The following TLN2 variants were observed in gnomAD, a reference collection of about 807,000 sequenced individuals.
The protein encoded by TLN2 is talin-2.
A neutral mutation model predicts 294.7 loss-of-function variants in TLN2; 118 were observed. That is an observed-to-expected ratio of 0.40 (90% CI 0.34 to 0.47). TLN2 has a LOEUF of 0.47. Among genes scored for constraint, TLN2 ranks in the 20% least tolerant of loss-of-function variants. The pLI, the probability that TLN2 is intolerant of heterozygous loss-of-function variation, is 0.84. For synonymous variants in TLN2, 1,431 were observed against 1,304.5 expected (o/e 1.10, Z -2.09); for missense variants, 3,083 against 3,282.2 (o/e 0.94, Z 1.48).
At position 62,797,556 on chromosome 15, in the gene TLN2, T is replaced by C. The variant is rs181411771; in HGVS notation, c.6234+154T>C. 1.5e-3 allele frequency among the ~76,000 whole-genome samples: 227 copies of C among 152,312 alleles called. 1 individual carries two copies. Among genetic ancestry groups the C allele is most frequent in the Middle Eastern group, 0.01 (3 of 294 alleles). On this transcript the variant is annotated intron_variant, in intron 48 of 58. Transcript: ENST00000636159. ...TTGAGGAACCGGTAGGAGGCAGTCA[T>C]CCAAGCGAGATAGTGGCACAGACTG...
At chr15:62,516,682 G>A (rs966387903) in intron 1 of TLN2, among the ~76,000 whole-genome samples, 3 of 152,186 alleles carry the variant, frequency 2.0e-5, no homozygotes, top group Non-Finnish European at 4.4e-5. Context: ...GGTACCATCA[G>A]TCTCTGCCCA....
chr15:62,770,637 G>A (rs904760207), intron 41 of TLN2, among the ~76,000 whole-genome samples: 30 of 152,256 alleles, frequency 2.0e-4, no homozygotes, highest in Admixed American at 6.5e-4. Flanking sequence ...TTTGTAAGAT[G>A]TCTTTAGTTC....
rs7174636 is a variant in TLN2 at position 62,463,873 on chromosome 15, C to T, written c.-238+73188C>T. Among the ~76,000 whole-genome samples, 1,069 of 152,152 alleles carry T rather than the reference C, an allele frequency of 7.0e-3. 12 individuals are homozygous for T. The highest frequency in any genetic ancestry group is 0.025 in the African/African-American group (1,018 of 41,500). On this transcript the variant is annotated intron_variant, in intron 1 of 58. Transcript: ENST00000636159. The stretch of plus-strand genomic sequence containing the variant: ...CTGCACTCCAGCCTGGGCAACAGAG[C>T]GAGACTCTGTCTCAAACAAACAAAC...
Position 62,719,675 on chromosome 15 carries a change from A to G in TLN2, c.2878-92A>G, listed in dbSNP as rs1269310721. ...CTGGCGTCCCCTGGGAGTAGATGGC[A>G]CATCCAAAAAGCGCACTTGGGTCAT... is the stretch of plus-strand genomic sequence containing the variant. On this transcript the variant is annotated intron_variant, in intron 24 of 58. Coordinates refer to ENST00000636159, the MANE Select transcript of TLN2 (RefSeq NM_015059.3). The G allele has an allele frequency of 3.0e-5, 31 of 1,021,048 alleles. 1 individual carries two copies. The highest frequency in any genetic ancestry group is 2.9e-5 in the Non-Finnish European group (21 of 724,536). The allele number at this position is 1,021,048 out of a possible 1,614,324, so 63.2% of individuals were successfully genotyped here.
intron 4 of TLN2, among the ~76,000 whole-genome samples, chr15:62,649,073 C>T (rs2052275915): frequency 6.6e-6 from 1 of 152,210 alleles, no homozygotes; most frequent in Non-Finnish European, 1.5e-5. Flanking sequence ...GTCTCATACT[C>T]CTGTGCCCAA....
intron 24 of TLN2, among the ~76,000 whole-genome samples, chr15:62,718,831 A>G (rs1166797339): frequency 2.0e-5 from 3 of 152,218 alleles, no homozygotes; most frequent in Non-Finnish European, 4.4e-5. Flanking sequence ...CCTCTTCTGC[A>G]GAGAGACTGA....
At chr15:62,819,756 T>C in intron 53 of TLN2, 135 bp downstream of exon 53, 3 of 690,074 alleles carry the variant, frequency 4.3e-6, no homozygotes, top group East Asian at 5.6e-5. Flanking sequence ...GTGAGGACTT[T>C]CTGCAAGCAA....
rs1379562270 is a variant in TLN2 at position 62,414,191 on chromosome 15, T to TATATATATAA, written c.-238+23507_-238+23508insTATATATAAA. 4.9e-5 allele frequency among the ~76,000 whole-genome samples: 6 copies of TATATATATAA among 122,926 alleles called. No homozygotes were observed. The South Asian group carries it at 1.7e-3, about 36-fold the overall frequency. 80.6% of individuals were successfully genotyped at this position (122,926 alleles called of 152,430 possible). On this transcript the variant is annotated intron_variant, in intron 1 of 58. Coordinates refer to ENST00000636159, the MANE Select transcript of TLN2 (RefSeq NM_015059.3). ...ATATATATATATATATATATATATA[T>TATATATATAA]AATTTGAGAAATTAAATCCTTTTAG...
At chr15:62,643,108 C>A (rs1039688549) in intron 3 of TLN2, among the ~76,000 whole-genome samples, 21 of 152,284 alleles carry the variant, frequency 1.4e-4, no homozygotes, top group African/African-American at 4.8e-4. Flanking sequence ...AGAAGCAGCT[C>A]ATTGCTGTGG....
intron 1 of TLN2, among the ~76,000 whole-genome samples, chr15:62,429,501 T>TC: frequency 6.6e-6 from 1 of 152,294 alleles, no homozygotes; most frequent in East Asian, 1.9e-4. Context: ...AGTTACCCCC[T>TC]CTAATTTTTT....
At chr15:62,767,642 A>G (rs1325628854) in intron 41 of TLN2, among the ~76,000 whole-genome samples, 1 of 152,206 alleles carries the variant, frequency 6.6e-6, no homozygotes, top group Non-Finnish European at 1.5e-5. Context: ...CCCGGCTGGC[A>G]TATTTCATTT....
rs968895182 is a variant in TLN2 at position 62,513,959 on chromosome 15, A to G, written c.-237-75728A>G. ...GCGGAGAATATTCCAGATCTCTTACAAGTTAACCCCTCCGCCCTCTACTAA... is the reference window on the plus strand; with the variant it reads ...GCGGAGAATATTCCAGATCTCTTACGAGTTAACCCCTCCGCCCTCTACTAA... On this transcript the variant is annotated intron_variant, in intron 1 of 58. Coordinates refer to ENST00000636159, the MANE Select transcript of TLN2 (RefSeq NM_015059.3). Among the ~76,000 whole-genome samples the G allele has an allele frequency of 2.0e-5, 3 of 152,342 alleles. No individual in the cohort carries two copies. The South Asian group carries it at 6.2e-4, about 32-fold the overall frequency.
At chr15:62,440,725 C>T (rs918918626) in intron 1 of TLN2, among the ~76,000 whole-genome samples, 2 of 152,212 alleles carry the variant, frequency 1.3e-5, no homozygotes, top group Non-Finnish European at 2.9e-5. Flanking sequence ...ATTGATACCT[C>T]CCTTCTAAAG....
At chr15:62,542,282 C>A (rs942232007) in intron 1 of TLN2, among the ~76,000 whole-genome samples, 1 of 152,116 alleles carries the variant, frequency 6.6e-6, no homozygotes, top group Non-Finnish European at 1.5e-5. Flanking sequence ...AGCTGCACCT[C>A]CCGGGTTCAC....
At position 62,762,312 on chromosome 15, in the gene TLN2, C is replaced by A; in HGVS notation, c.4820C>A (p.Thr1607Asn). ...GAACCAATCCTGGTCTCAGCCAAGA[C>A]CATGCTGGAGAGTTCATCGTACCTC... ...AQEPILVSAK[T>N]MLESSSYLIR... The change falls in exon 39 of 59, where the codon ACC becomes AAC. Residue 1607 changes from threonine to asparagine, a missense_variant. Thr to Asn is a moderately conservative substitution (Grantham distance 65, BLOSUM62 0). Transcript: ENST00000636159. The A allele has an allele frequency of 6.2e-7, 1 of 1,614,222 alleles. No individual in the cohort carries two copies. The highest frequency in any genetic ancestry group is 8.5e-7 in the Non-Finnish European group (1 of 1,180,040).
At chr15:62,724,848 C>T in intron 26 of TLN2, 128 bp from the exon 27 acceptor site, 5 of 1,224,172 alleles carry the variant, frequency 4.1e-6, no homozygotes, top group East Asian at 2.6e-5. Flanking sequence ...TACTTGCTTT[C>T]CTTGCTCCTC....
chr15:62,496,208 C>T (rs184523776), intron 1 of TLN2, among the ~76,000 whole-genome samples: 46 of 152,302 alleles, frequency 3.0e-4, no homozygotes, highest in Admixed American at 2.5e-3. Context: ...CCATGGATCT[C>T]TGGAAGCTGC....
chr15:62,792,903 G>A (rs1030245297), intron 46 of TLN2, 116 bp downstream of exon 46: 21 of 1,480,300 alleles, frequency 1.4e-5, no homozygotes, highest in African/African-American at 1.3e-4. Flanking sequence ...TGACTCAGCT[G>A]TCTCATCCCG....
At chr15:62,748,233 C>T (rs1320421667) in intron 32 of TLN2, 118 bp from the exon 33 acceptor site, 3 of 759,706 alleles carry the variant, frequency 3.9e-6, no homozygotes, top group African/African-American at 1.8e-5. Flanking sequence ...GAAGAGTTCT[C>T]CTGGGGACCC....
Sources: gnomAD v4.1 joint callset for allele counts (sites outside exome capture counted in the v4.1 genomes callset) on GRCh38, gnomAD v4.1.1 for gene constraint, MANE v1.5 for transcripts, NCBI Gene and HGNC (gene_info 2026-07-23, HGNC 2026-07-21) for gene names.